TNKS: variants seen among roughly 807,000 people sequenced by gnomAD.
TNKS encodes poly [ADP-ribose] polymerase tankyrase-1.
Under a neutral mutation model 135.8 loss-of-function variants are expected in TNKS, and 72 were observed. The observed-to-expected ratio is 0.53, with a 90% CI of 0.44 to 0.64. The LOEUF (loss-of-function observed/expected upper bound fraction) is 0.64, where lower values mean the gene tolerates loss of function less well. Ranked by LOEUF, TNKS falls within the 30% of genes least tolerant of loss-of-function variation. TNKS has a pLI of 0.00. For synonymous variants in TNKS, 849 were observed against 649.3 expected (o/e 1.31, Z -4.68); for missense variants, 1,769 against 1,674.0 (o/e 1.06, Z -0.99).
At position 9,776,742 on chromosome 8, in the gene TNKS, G is replaced by A. The variant is rs1438909516; in HGVS notation, c.*6G>A. ...CCGCAGAGCAGAAGACCTAGTGAATGCCTGCTGGTGAAGGCCAGATCAGAT... is the reference window on the plus strand; with the variant it reads ...CCGCAGAGCAGAAGACCTAGTGAATACCTGCTGGTGAAGGCCAGATCAGAT... On this transcript the variant is annotated 3_prime_UTR_variant, in exon 27 of 27. Transcript: ENST00000310430. 6.2e-7 allele frequency: 1 copy of A among 1,613,596 alleles called. No individual in the cohort carries two copies. The highest frequency in any genetic ancestry group is 1.1e-5 in the South Asian group (1 of 91,070).
chr8:9,709,150 C>CT (rs1804196057), intron 9 of TNKS, among the ~76,000 whole-genome samples: 1 of 152,120 alleles, frequency 6.6e-6, no homozygotes, highest in Non-Finnish European at 1.5e-5. Context: ...AATTAATATT[C>CT]TTACGTATAT....
chr8:9,714,849 G>T (rs532659109), intron 11 of TNKS, among the ~76,000 whole-genome samples: 15 of 152,228 alleles, frequency 9.9e-5, no homozygotes, highest in African/African-American at 3.6e-4. Flanking sequence ...ATTACAGAAA[G>T]ACATTTAATA....
intron 3 of TNKS, among the ~76,000 whole-genome samples, chr8:9,656,696 T>C (rs889186396): frequency 1.3e-5 from 2 of 149,106 alleles, no homozygotes; most frequent in African/African-American, 5.0e-5. Flanking sequence ...CATGGGACAA[T>C]AGTGGAGGGA....
chr8:9,719,266 G>A (rs1367770042), intron 11 of TNKS, among the ~76,000 whole-genome samples: 2 of 152,196 alleles, frequency 1.3e-5, no homozygotes, highest in Non-Finnish European at 2.9e-5. Flanking sequence ...ACTGGCGACA[G>A]GGAGACTAGT....
chr8:9,599,071 G>T (rs2128758052), intron 2 of TNKS, among the ~76,000 whole-genome samples: 1 of 151,932 alleles, frequency 6.6e-6, no homozygotes, highest in East Asian at 1.9e-4. Context: ...TGGTCAGATT[G>T]TAGAGATACT....
chr8:9,583,423 T>C (rs913441277), intron 2 of TNKS, among the ~76,000 whole-genome samples: 1 of 152,202 alleles, frequency 6.6e-6, no homozygotes, highest in Non-Finnish European at 1.5e-5. Context: ...TTATCTTTGC[T>C]TCTCCCTACC....
At chr8:9,654,056 A>G (rs1801248331) in intron 3 of TNKS, among the ~76,000 whole-genome samples, 1 of 152,220 alleles carries the variant, frequency 6.6e-6, no homozygotes, top group Non-Finnish European at 1.5e-5. Flanking sequence ...TTGTGCAGTA[A>G]AAAATTTCAA....
chr8:9,765,709 C>G lies in TNKS; in HGVS notation c.3465C>G (p.Asn1155Lys). 1 of 1,613,698 alleles carries G rather than the reference C, an allele frequency of 6.2e-7. No homozygotes were observed. Among genetic ancestry groups the G allele is most frequent in the Non-Finnish European group, 8.5e-7 (1 of 1,179,810 alleles). ...YNVIRIQKVV[N>K]KKLRERFCHR... ...CCTTAAAGATTCAAAAAGTTGTCAA[C>G]AAGAAGTTGAGGGAGCGGTTCTGCC... Residue 1155 changes from asparagine (N) to lysine (K), a missense_variant, in exon 24 of 27, where the codon AAC (asparagine) becomes AAG (lysine). Around this residue, in one of 5 missense-constraint regions of TNKS, gnomAD observed 722 missense variants for 688.9 expected, o/e 1.05. Coordinates refer to ENST00000310430, the MANE Select transcript of TNKS (RefSeq NM_003747.3).
chr8:9,663,522 G>C (rs752236563), intron 3 of TNKS, among the ~76,000 whole-genome samples: 1 of 152,130 alleles, frequency 6.6e-6, no homozygotes, highest in Non-Finnish European at 1.5e-5. Flanking sequence ...ATTTGATTCT[G>C]TTCTAACACT....
At chr8:9,692,290 G>C (rs568846913) in intron 5 of TNKS, among the ~76,000 whole-genome samples, 1 of 152,238 alleles carries the variant, frequency 6.6e-6, no homozygotes, top group South Asian at 2.1e-4. Context: ...GTGAGAACCT[G>C]TGTTTGGTTT....
intron 3 of TNKS, among the ~76,000 whole-genome samples, chr8:9,636,049 A>C (rs1010519096): frequency 6.6e-6 from 1 of 152,212 alleles, no homozygotes; most frequent in Admixed American, 6.5e-5. Flanking sequence ...TATTGTTTTT[A>C]AAAAATAGGC....
chr8:9,645,178 C>A (rs1800875427), intron 3 of TNKS, among the ~76,000 whole-genome samples: 1 of 151,384 alleles, frequency 6.6e-6, no homozygotes, highest in Non-Finnish European at 1.5e-5. Context: ...GACGGGTAAG[C>A]AGAAGGATCT....
chr8:9,713,854 C>T (rs7462070), intron 11 of TNKS, among the ~76,000 whole-genome samples: 90,405 of 151,888 alleles, frequency 0.6, 27,175 homozygotes, highest in Middle Eastern at 0.71. Flanking sequence ...TTTTTTCTTG[C>T]GTAGTATTTC....
chr8:9,641,408 A>G (rs1800726704), intron 3 of TNKS, among the ~76,000 whole-genome samples: 3 of 145,162 alleles, frequency 2.1e-5, no homozygotes, highest in Non-Finnish European at 3.0e-5. Context: ...GATAATAAAA[A>G]TGAGTCTGAT....
At position 9,707,004 on chromosome 8, in the gene TNKS, A is replaced by G; in HGVS notation, c.1456+7A>G. On this transcript the variant is annotated splice_region_variant and intron_variant, in intron 8 of 26. Coordinates refer to ENST00000310430, the MANE Select transcript of TNKS (RefSeq NM_003747.3). ...CTTAGGGAGAGATTGACTTGTACGT[A>G]TTTATATCCCGAAATCATTATCGCA... The G allele has an allele frequency of 6.4e-7, 1 of 1,557,568 alleles. No individual in the cohort carries two copies. Among genetic ancestry groups the G allele is most frequent in the South Asian group, 1.2e-5 (1 of 83,550 alleles).
intron 17 of TNKS, among the ~76,000 whole-genome samples, chr8:9,746,779 CT>C (rs2128825677): frequency 6.6e-6 from 1 of 151,814 alleles, no homozygotes; most frequent in African/African-American, 2.4e-5. Flanking sequence ...GTGCTCCAAC[CT>C]TTTCTGACAA....
In TNKS at chr8:9,707,498, A is replaced by G. The variant is rs566756799; in HGVS notation, c.1456+501A>G. 2.6e-5 allele frequency among the ~76,000 whole-genome samples: 4 copies of G among 152,312 alleles called. No homozygotes were observed. In the East Asian group the frequency reaches 7.7e-4, roughly 29 times the overall value. On this transcript the variant is annotated intron_variant, in intron 8 of 26. Coordinates refer to ENST00000310430, the MANE Select transcript of TNKS (RefSeq NM_003747.3). ...TTCCCGAGCCCTGCAAGGCTGCACA[A>G]TCATATTTTTATTTGTCATGTGTGT...
intron 19 of TNKS, 94 bp from the exon 20 acceptor site, chr8:9,752,449 GC>G: frequency 1.2e-6 from 1 of 820,972 alleles, no homozygotes; most frequent in South Asian, 1.6e-5. Context: ...TCATCTGACA[GC>G]CAAGGTTGTC....
chr8:9,761,531 T>C lies in TNKS; in HGVS notation c.3169T>C (p.Leu1057=). ...CATTTTTCAGATTACACTAGATGTGTTGGCTGATATGGGTCATGAAGAGTT... is the reference window on the plus strand; with the variant it reads ...CATTTTTCAGATTACACTAGATGTGCTGGCTGATATGGGTCATGAAGAGTT... ...FETEQITLDV[L]ADMGHEELKE... Residue 1057 remains leucine, a synonymous_variant, in exon 21 of 27, where the codon TTG becomes CTG. Coordinates refer to ENST00000310430, the MANE Select transcript of TNKS (RefSeq NM_003747.3). 1 of 1,613,446 alleles carries C rather than the reference T, an allele frequency of 6.2e-7. No homozygotes were observed. The highest frequency in any genetic ancestry group is 8.5e-7 in the Non-Finnish European group (1 of 1,179,878).
Sources: gnomAD v4.1 joint callset for allele counts (sites outside exome capture counted in the v4.1 genomes callset) on GRCh38, gnomAD v4.1.1 for gene constraint, gnomAD v4.1.1 regional missense constraint, MANE v1.5 for transcripts, NCBI Gene and HGNC (gene_info 2026-07-23, HGNC 2026-07-21) for gene names.